Variants in NEGR1 observed in about 807,000 individuals in gnomAD.
The protein encoded by NEGR1 is neuronal growth regulator 1.
A neutral mutation model predicts 40.9 loss-of-function variants in NEGR1; 10 were observed. The ratio of observed to expected loss-of-function variants is 0.24; its 90% CI spans 0.15 to 0.42. NEGR1 has a LOEUF of 0.42. Among genes scored for constraint, NEGR1 ranks in the 10% least tolerant of loss-of-function variants. The pLI is 1.00. For synonymous variants in NEGR1, 185 were observed against 166.8 expected (o/e 1.11, Z -0.84); for missense variants, 352 against 438.9 (o/e 0.80, Z 1.77).
chr1:72,067,817 T>C (rs1016944445), intron 1 of NEGR1, among the ~76,000 whole-genome samples: 6 of 152,150 alleles, frequency 3.9e-5, no homozygotes, highest in African/African-American at 1.4e-4. Context: ...CACTTCTAAA[T>C]TTGGCTCAAC....
intron 5 of NEGR1, among the ~76,000 whole-genome samples, chr1:71,605,816 A>G (rs947041069): frequency 1.3e-5 from 2 of 152,242 alleles, no homozygotes; most frequent in African/African-American, 4.8e-5. Context: ...GAAAGAAACT[A>G]TCATGTTAAA....
chr1:71,775,902 A>G (rs1007468556), intron 3 of NEGR1, among the ~76,000 whole-genome samples: 2 of 151,684 alleles, frequency 1.3e-5, no homozygotes, highest in African/African-American at 4.8e-5. Context: ...CTGAGGCAGG[A>G]GAATCGCTTG....
At chr1:71,431,347 G>T (rs1301424404) in intron 6 of NEGR1, among the ~76,000 whole-genome samples, 2 of 152,052 alleles carry the variant, frequency 1.3e-5, no homozygotes, top group Non-Finnish European at 1.5e-5. Context: ...GTACAATAAT[G>T]GAAGAAGAAA....
chr1:71,903,824 T>TA (rs1661205705), intron 2 of NEGR1, among the ~76,000 whole-genome samples: 2 of 150,524 alleles, frequency 1.3e-5, no homozygotes, highest in African/African-American at 4.9e-5. Flanking sequence ...TCTCTCTCTA[T>TA]TATATATATA....
chr1:71,942,253 C>T (rs1212266155), intron 1 of NEGR1, among the ~76,000 whole-genome samples: 5 of 145,496 alleles, frequency 3.4e-5, no homozygotes, highest in Admixed American at 7.0e-5. Flanking sequence ...ACCAAATCCT[C>T]GAACATCTTA....
chr1:71,539,535 G>T (rs1296339573), intron 6 of NEGR1, among the ~76,000 whole-genome samples: 1 of 151,634 alleles, frequency 6.6e-6, no homozygotes, highest in Non-Finnish European at 1.5e-5. Flanking sequence ...ATTGTTTGGA[G>T]GTGTTCGAGT....
chr1:71,948,939 C>A (rs531266439), intron 1 of NEGR1, among the ~76,000 whole-genome samples: 2 of 152,132 alleles, frequency 1.3e-5, no homozygotes, highest in East Asian at 3.9e-4. Flanking sequence ...TTATTACTTC[C>A]TTGAGTCACT....
At chr1:71,702,727 A>T (rs894571170) in intron 3 of NEGR1, among the ~76,000 whole-genome samples, 5 of 3,688 alleles carry the variant, frequency 1.4e-3, no homozygotes, top group African/African-American at 1.4e-3. Context: ...AAACTTATTT[A>T]AAAAAAAAAA....
chr1:71,638,544 A>G (rs1651238145), intron 4 of NEGR1, among the ~76,000 whole-genome samples: 1 of 152,106 alleles, frequency 6.6e-6, no homozygotes, highest in Non-Finnish European at 1.5e-5. Flanking sequence ...AGTGATAGGG[A>G]CATCAATTGA....
intron 3 of NEGR1, among the ~76,000 whole-genome samples, chr1:71,750,335 C>G (rs1470003518): frequency 6.6e-6 from 1 of 152,226 alleles, no homozygotes; most frequent in East Asian, 1.9e-4. Context: ...GTTATATTCT[C>G]TTTGCCCTAT....
intron 1 of NEGR1, among the ~76,000 whole-genome samples, chr1:72,027,147 C>T (rs1330403746): frequency 6.6e-6 from 1 of 152,048 alleles, no homozygotes; most frequent in East Asian, 1.9e-4. Flanking sequence ...AGGATGGTCT[C>T]GATCTCCTGA....
chr1:72,234,673 T>C (rs1654491409), intron 1 of NEGR1, among the ~76,000 whole-genome samples: 1 of 151,988 alleles, frequency 6.6e-6, no homozygotes, highest in Non-Finnish European at 1.5e-5. Flanking sequence ...TGGCCAACTA[T>C]CATATTAATA....
intron 6 of NEGR1, among the ~76,000 whole-genome samples, chr1:71,531,015 G>A (rs2101443806): frequency 6.6e-6 from 1 of 151,204 alleles, no homozygotes; most frequent in South Asian, 2.1e-4. Flanking sequence ...ATAACTCCAT[G>A]TACTAGGTAC....
chr1:71,618,275 A>G (rs1650506850), intron 4 of NEGR1, among the ~76,000 whole-genome samples: 1 of 152,174 alleles, frequency 6.6e-6, no homozygotes, highest in Non-Finnish European at 1.5e-5. Context: ...TTTGTGAATA[A>G]GCCAGGTGTA....
At chr1:71,798,054 C>T (rs141770295) in intron 2 of NEGR1, 1 of 151,880 alleles carries the variant, frequency 6.6e-6, no homozygotes, top group Admixed American at 6.6e-5. Context: ...TTAAAGGACA[C>T]AAAGAGCCAA....
At chr1:71,912,554 C>T (rs1254791543) in intron 2 of NEGR1, among the ~76,000 whole-genome samples, 2 of 152,190 alleles carry the variant, frequency 1.3e-5, no homozygotes, top group African/African-American at 4.8e-5. Flanking sequence ...TACAGCTACT[C>T]TGATAAACGT....
At chr1:71,577,180 A>G (rs1198320877) in intron 6 of NEGR1, among the ~76,000 whole-genome samples, 1 of 152,236 alleles carries the variant, frequency 6.6e-6, no homozygotes, top group Admixed American at 6.5e-5. Context: ...AAAATGATAA[A>G]TTAGTTCTCA....
chr1:71,705,960 C>A (rs1469971775), intron 3 of NEGR1, among the ~76,000 whole-genome samples: 1 of 151,784 alleles, frequency 6.6e-6, no homozygotes, highest in Non-Finnish European at 1.5e-5. Flanking sequence ...CCAACAAGGA[C>A]ATCAAGTTAA....
intron 6 of NEGR1, among the ~76,000 whole-genome samples, chr1:71,455,554 G>A (rs1000050832): frequency 6.6e-6 from 1 of 152,212 alleles, no homozygotes; most frequent in African/African-American, 2.4e-5. Context: ...ATAAAACACC[G>A]TCTCTACTAA....
Sources: allele counts gnomAD v4.1 joint callset (sites outside exome capture counted in the v4.1 genomes callset), GRCh38; gene constraint gnomAD v4.1.1; transcripts MANE v1.5; gene names NCBI Gene and HGNC (gene_info 2026-07-23, HGNC 2026-07-21).